The following NRG1 variants were observed in gnomAD, a reference collection of about 807,000 sequenced individuals.
NRG1 encodes pro-neuregulin-1, membrane-bound isoform.
A neutral mutation model predicts 63.8 loss-of-function variants in NRG1; 18 were observed. That is an observed-to-expected ratio of 0.28 (90% confidence interval 0.19 to 0.42). The LOEUF (loss-of-function observed/expected upper bound fraction) is 0.42, where lower values mean the gene tolerates loss of function less well. Ranked by LOEUF, NRG1 falls within the 10% of genes least tolerant of loss-of-function variation. NRG1 has a pLI of 1.00. For missense variants in NRG1, 762 were observed against 814.7 expected (o/e 0.94, Z 0.79); for synonymous variants, 302 against 301.3 (o/e 1.00, Z -0.02).
intron 5 of NRG1, among the ~76,000 whole-genome samples, chr8:32,693,864 G>T (rs2128943165): frequency 6.6e-6 from 1 of 152,246 alleles, no homozygotes; most frequent in South Asian, 2.1e-4. Context: ...ATGTTTGTTA[G>T]GAGTACATAA....
At chr8:32,058,279 A>G (rs1279741396) in intron 1 of NRG1, among the ~76,000 whole-genome samples, 1 of 152,104 alleles carries the variant, frequency 6.6e-6, no homozygotes, top group Non-Finnish European at 1.5e-5. Flanking sequence ...GGCTGTATAT[A>G]AAGGCTATTT....
At chr8:32,121,033 A>C (rs1022289652) in intron 1 of NRG1, among the ~76,000 whole-genome samples, 1 of 152,040 alleles carries the variant, frequency 6.6e-6, no homozygotes, top group Non-Finnish European at 1.5e-5. Flanking sequence ...TTAGTTTCTC[A>C]TACTCATTCG....
chr8:31,811,450 C>T (rs778567955), intron 1 of NRG1, among the ~76,000 whole-genome samples: 1 of 152,114 alleles, frequency 6.6e-6, no homozygotes, highest in Non-Finnish European at 1.5e-5. Context: ...CCCGATGTGC[C>T]ATGCACTTAT....
chr8:32,522,474 C>T (rs574159968), intron 1 of NRG1, among the ~76,000 whole-genome samples: 7 of 152,178 alleles, frequency 4.6e-5, no homozygotes, highest in Non-Finnish European at 1.0e-4. Flanking sequence ...CTTTCTTCTT[C>T]CTGTCCTATT....
intron 1 of NRG1, among the ~76,000 whole-genome samples, chr8:31,653,360 C>G (rs1805094220): frequency 6.6e-6 from 1 of 151,946 alleles, no homozygotes; most frequent in Non-Finnish European, 1.5e-5. Context: ...ACCGATGATA[C>G]CCTTAATATA....
At chr8:32,463,347 T>C (rs1822574326) in intron 1 of NRG1, among the ~76,000 whole-genome samples, 1 of 152,170 alleles carries the variant, frequency 6.6e-6, no homozygotes, top group African/African-American at 2.4e-5. Flanking sequence ...GGTAGCAGAA[T>C]GTTTTATTTG....
chr8:31,904,025 C>T (rs986437673), intron 1 of NRG1, among the ~76,000 whole-genome samples: 4 of 152,164 alleles, frequency 2.6e-5, no homozygotes, highest in African/African-American at 9.7e-5. Flanking sequence ...TCTAAAAACT[C>T]AGTTTCCAAA....
At chr8:32,552,703 G>A (rs946691159) in intron 1 of NRG1, among the ~76,000 whole-genome samples, 14 of 152,124 alleles carry the variant, frequency 9.2e-5, no homozygotes, top group Non-Finnish European at 2.1e-4. Context: ...ATTATTCACA[G>A]AATGAAATAG....
At chr8:31,824,008 A>C (rs188272785) in intron 1 of NRG1, among the ~76,000 whole-genome samples, 2 of 151,226 alleles carry the variant, frequency 1.3e-5, no homozygotes, top group African/African-American at 4.9e-5. Context: ...CTCTTCTTCT[A>C]TTTCTTTTTT....
chr8:31,923,194 A>G (rs1834055389), intron 1 of NRG1, among the ~76,000 whole-genome samples: 1 of 152,110 alleles, frequency 6.6e-6, no homozygotes, highest in South Asian at 2.1e-4. Flanking sequence ...ATTGGCAAAT[A>G]GTTTTTTTTA....
At chr8:32,763,868 G>T (rs1003233940) in exon 12 of NRG1, 1 of 1,613,928 alleles carries the variant, frequency 6.2e-7, no homozygotes, top group African/African-American at 1.3e-5. Context: ...CGGTGTCCAT[G>T]CCTTCCATGG....
chr8:32,167,750 T>C (rs920184064), intron 1 of NRG1, among the ~76,000 whole-genome samples: 28 of 152,198 alleles, frequency 1.8e-4, no homozygotes, highest in Admixed American at 1.7e-3. Flanking sequence ...ATAAACCCCA[T>C]TCTGGGGATG....
At chr8:31,922,151 T>C (rs1833973377) in intron 1 of NRG1, among the ~76,000 whole-genome samples, 1 of 152,082 alleles carries the variant, frequency 6.6e-6, no homozygotes, top group Non-Finnish European at 1.5e-5. Context: ...CTTGGCAGAG[T>C]TGGGATAGGA....
intron 1 of NRG1, among the ~76,000 whole-genome samples, chr8:31,725,484 A>G (rs529462788): frequency 2.6e-5 from 4 of 152,122 alleles, no homozygotes; most frequent in South Asian, 2.1e-4. Flanking sequence ...ATTTCTGTGC[A>G]AAAACAAATG....
chr8:31,998,122 G>A (rs1048856533), intron 1 of NRG1, among the ~76,000 whole-genome samples: 2 of 151,826 alleles, frequency 1.3e-5, no homozygotes. Context: ...TCATAATCTT[G>A]GTGCATTTTC....
chr8:31,650,822 G>T (rs997055598), intron 1 of NRG1, among the ~76,000 whole-genome samples: 2 of 152,192 alleles, frequency 1.3e-5, no homozygotes, highest in African/African-American at 2.4e-5. Flanking sequence ...AGTGAAAAGT[G>T]CCCTGGCCTC....
intron 1 of NRG1, among the ~76,000 whole-genome samples, chr8:32,363,156 C>T (rs756994667): frequency 2.2e-4 from 33 of 152,138 alleles, no homozygotes; most frequent in Non-Finnish European, 3.2e-4. Flanking sequence ...AAACTGTCTT[C>T]GCAAAATCTC....
At chr8:32,184,118 C>T (rs1033768562) in intron 1 of NRG1, among the ~76,000 whole-genome samples, 1 of 151,342 alleles carries the variant, frequency 6.6e-6, no homozygotes, top group East Asian at 1.9e-4. Context: ...ATATAGATCA[C>T]GTAAATATAT....
At chr8:32,090,448 G>T (rs1828952863) in intron 1 of NRG1, among the ~76,000 whole-genome samples, 1 of 152,086 alleles carries the variant, frequency 6.6e-6, no homozygotes, top group East Asian at 1.9e-4. Flanking sequence ...AGCCTCCCGA[G>T]AAGCTGGGAT....
Sources: gnomAD v4.1 joint callset for allele counts (sites outside exome capture counted in the v4.1 genomes callset) on GRCh38, gnomAD v4.1.1 for gene constraint, MANE v1.5 for transcripts, NCBI Gene and HGNC (gene_info 2026-07-23, HGNC 2026-07-21) for gene names.